The following DENND4C variants were observed in gnomAD, a reference collection of about 807,000 sequenced individuals.
The protein encoded by DENND4C is DENN domain-containing protein 4C.
In DENND4C, 108 loss-of-function variants were observed where a neutral mutation model predicts 203.0. The ratio of observed to expected loss-of-function variants is 0.53; its 90% CI spans 0.46 to 0.62. The LOEUF is 0.62. Ranked by LOEUF, DENND4C falls within the 20% of genes least tolerant of loss-of-function variation. DENND4C has a pLI of 0.00. For synonymous variants in DENND4C, 871 were observed against 792.4 expected (o/e 1.10, Z -1.67); for missense variants, 2,481 against 2,301.2 (o/e 1.08, Z -1.60).
chr9:19,321,523 A>G (rs1406184992), intron 12 of DENND4C, among the ~76,000 whole-genome samples: 1 of 151,950 alleles, frequency 6.6e-6, no homozygotes, highest in Non-Finnish European at 1.5e-5. Flanking sequence ...TTAGATGGAA[A>G]AAAGAGACTT....
chr9:19,361,795 C>A, intron 29 of DENND4C, 51 bp from the exon 30 acceptor site: 1 of 1,090,654 alleles, frequency 9.2e-7, no homozygotes, highest in Non-Finnish European at 1.4e-6. Flanking sequence ...ACTAGATCTA[C>A]TGGTAATTGT....
chr9:19,369,785 A>T, intron 30 of DENND4C, 52 bp from the exon 31 acceptor site: 1 of 1,086,272 alleles, frequency 9.2e-7, no homozygotes, highest in Non-Finnish European at 1.2e-6. Context: ...AAAAATAATA[A>T]TAATAATAAT....
In DENND4C at chr9:19,276,140, T is replaced by G; in HGVS notation, c.-17-18T>G. The stretch of plus-strand genomic sequence containing the variant: ...AAAGTATTTTATTTTATTGGTATCT[T>G]TCCCCTCCCTCTTCTAGAAAATACA... On this transcript the variant is annotated intron_variant, in intron 1 of 32. Coordinates refer to ENST00000434457, the MANE Select transcript of DENND4C (RefSeq NM_001330640.2). The G allele has an allele frequency of 8.4e-7, 1 of 1,191,832 alleles. No individual in the cohort carries two copies. The highest frequency in any genetic ancestry group is 1.1e-6 in the Non-Finnish European group (1 of 951,222). The allele number at this position is 1,191,832 out of a possible 1,614,324, so 73.8% of individuals were successfully genotyped here.
chr9:19,313,184 G>A (rs1475300167), intron 10 of DENND4C, among the ~76,000 whole-genome samples: 1 of 151,774 alleles, frequency 6.6e-6, no homozygotes, highest in African/African-American at 2.4e-5. Context: ...TTTTTAATAT[G>A]GGTACTTAGA....
At chr9:19,295,929 CT>C (rs1837373539) in intron 5 of DENND4C, 78 bp from the exon 6 acceptor site, 2 of 1,095,178 alleles carry the variant, frequency 1.8e-6, no homozygotes, top group South Asian at 2.9e-5. Flanking sequence ...GCAAATATTT[CT>C]TGTGTAATAA....
intron 23 of DENND4C, 139 bp from the exon 24 acceptor site, chr9:19,350,563 A>G: frequency 1.5e-6 from 1 of 655,466 alleles, no homozygotes. Context: ...TAGTGAGGAG[A>G]TTTCATGGTT....
intron 10 of DENND4C, among the ~76,000 whole-genome samples, chr9:19,310,309 C>T (rs1840491557): frequency 6.6e-6 from 1 of 152,106 alleles, no homozygotes; most frequent in South Asian, 2.1e-4. Flanking sequence ...GGTATCTTGT[C>T]TTGTTTCTAA....
Position 19,336,257 on chromosome 9 carries a change from A to G in DENND4C, c.2590-13A>G, listed in dbSNP as rs1588945994. On this transcript the variant is annotated splice_polypyrimidine_tract_variant and intron_variant, in intron 18 of 32. Transcript: ENST00000434457. Reference sequence around the variant, plus strand: ...GCTAATGAACATTATTTTTACCCTTATTTTACCTTTAGGTAGTCTTGGAGA... The same window carrying G: ...GCTAATGAACATTATTTTTACCCTTGTTTTACCTTTAGGTAGTCTTGGAGA... The G allele has an allele frequency of 6.2e-7, 1 of 1,605,748 alleles. No individual in the cohort carries two copies. The highest frequency in any genetic ancestry group is 8.5e-7 in the Non-Finnish European group (1 of 1,177,228).
chr9:19,305,316 T>C, intron 9 of DENND4C, 36 bp from the exon 10 acceptor site: 1 of 1,561,144 alleles, frequency 6.4e-7, no homozygotes, highest in Non-Finnish European at 8.7e-7. Context: ...ATTGCAAATT[T>C]AAAATTTGGT....
chr9:19,335,790 G>T (rs574222468), intron 18 of DENND4C, among the ~76,000 whole-genome samples: 6 of 152,036 alleles, frequency 3.9e-5, no homozygotes, highest in Admixed American at 3.9e-4. Context: ...TCATATGTTG[G>T]TTATTGTGAA....
At chr9:19,254,968 A>G (rs1372299824) in intron 1 of DENND4C, among the ~76,000 whole-genome samples, 1 of 151,948 alleles carries the variant, frequency 6.6e-6, no homozygotes, top group Non-Finnish European at 1.5e-5. Flanking sequence ...CCCTGTCTGT[A>G]CTAAAAATAC....
intron 30 of DENND4C, among the ~76,000 whole-genome samples, chr9:19,369,489 G>T (rs1828342621): frequency 6.6e-6 from 1 of 151,920 alleles, no homozygotes; most frequent in African/African-American, 2.4e-5. Flanking sequence ...AAATAATTGG[G>T]ACTGGGACTG....
chr9:19,304,993 G>A (rs1330239224), intron 9 of DENND4C, among the ~76,000 whole-genome samples: 1 of 151,532 alleles, frequency 6.6e-6, no homozygotes, highest in African/African-American at 2.4e-5. Context: ...AATGAAATGT[G>A]TAAGAGTTAA....
chr9:19,295,710 CTTAAG>C (rs1837329074), intron 5 of DENND4C, among the ~76,000 whole-genome samples: 3 of 147,954 alleles, frequency 2.0e-5, no homozygotes, highest in African/African-American at 7.5e-5. Flanking sequence ...CCACAAAAAA[CTTAAG>C]TTGAGTGAGA....
At chr9:19,318,313 C>T (rs1291314614) in intron 12 of DENND4C, among the ~76,000 whole-genome samples, 1 of 151,638 alleles carries the variant, frequency 6.6e-6, no homozygotes, top group East Asian at 1.9e-4. Context: ...GAGTGAAACT[C>T]CATCTCAAAA....
chr9:19,263,747 C>T (rs56167168), intron 1 of DENND4C, among the ~76,000 whole-genome samples: 8,013 of 150,570 alleles, frequency 0.053, 350 homozygotes, highest in African/African-American at 0.12. Context: ...CTCTGCCTTC[C>T]GGGTTCAAGC....
intron 12 of DENND4C, 137 bp from the exon 13 acceptor site, chr9:19,324,225 A>G (rs1314776860): frequency 1.9e-6 from 1 of 524,644 alleles, no homozygotes; most frequent in Non-Finnish European, 3.0e-6. Flanking sequence ...CTCAACCTAT[A>G]GAAGCTTCTT....
At chr9:19,256,662 G>A (rs545761090) in intron 1 of DENND4C, among the ~76,000 whole-genome samples, 1 of 151,992 alleles carries the variant, frequency 6.6e-6, no homozygotes, top group South Asian at 2.1e-4. Context: ...AATTAAATCT[G>A]TGTCTTTTTT....
intron 22 of DENND4C, among the ~76,000 whole-genome samples, chr9:19,345,659 T>C (rs1024570670): frequency 8.5e-5 from 13 of 152,218 alleles, no homozygotes; most frequent in Admixed American, 7.9e-4. Context: ...ATCTATCATA[T>C]GTTGCATGAT....
Sources: gnomAD v4.1 joint callset for allele counts (sites outside exome capture counted in the v4.1 genomes callset) on GRCh38, gnomAD v4.1.1 for gene constraint, MANE v1.5 for transcripts, NCBI Gene and HGNC (gene_info 2026-07-23, HGNC 2026-07-21) for gene names.